The following RANBP2 variants were observed in gnomAD, a reference collection of about 807,000 sequenced individuals.
RANBP2 encodes RAN binding protein 2.
A neutral mutation model predicts 303.6 loss-of-function variants in RANBP2; 57 were observed. That is an observed-to-expected ratio of 0.19 (90% confidence interval 0.15 to 0.23). The LOEUF (loss-of-function observed/expected upper bound fraction) is 0.23. Ranked by LOEUF, RANBP2 falls within the 10% of genes least tolerant of loss-of-function variation. The pLI, the probability that RANBP2 is intolerant of heterozygous loss-of-function variation, is 1.00. For missense variants in RANBP2, 3,138 were observed against 3,780.8 expected, an observed-to-expected ratio of 0.83 and a Z score of 4.46; for synonymous variants, 1,167 against 1,301.5, an observed-to-expected ratio of 0.90 and a Z score of 2.23.
the RANBP2 span, among the ~76,000 whole-genome samples, chr2:109,229,802 A>AT: frequency 8.8e-5 from 13 of 147,788 alleles, no homozygotes; most frequent in African/African-American, 2.5e-4. Context: ...ATGTGTTTAG[A>AT]TTTTTTTTCT....
chr2:109,243,998 G>A, the RANBP2 span, among the ~76,000 whole-genome samples: 1 of 152,202 alleles, frequency 6.6e-6, no homozygotes, highest in Non-Finnish European at 1.5e-5. Flanking sequence ...GTGCTCATAG[G>A]TGAAGTTTTT....
At chr2:108,958,733 A>AGG in the RANBP2 span, among the ~76,000 whole-genome samples, 1 of 152,258 alleles carries the variant, frequency 6.6e-6, no homozygotes, top group Non-Finnish European at 1.5e-5. Context: ...CTGGCCCAGG[A>AGG]GACCTAAAGC....
chr2:109,473,963 T>A, the RANBP2 span, among the ~76,000 whole-genome samples: 3 of 152,212 alleles, frequency 2.0e-5, no homozygotes, highest in African/African-American at 7.2e-5. Context: ...AAAGTCTTTA[T>A]AGACTCTGTC....
chr2:109,478,707 G>C, the RANBP2 span, among the ~76,000 whole-genome samples: 1 of 152,146 alleles, frequency 6.6e-6, no homozygotes, highest in Non-Finnish European at 1.5e-5. Context: ...GAGAGGGGGA[G>C]AGTCTGAGCT....
chr2:109,613,309 C>T, the RANBP2 span: 1 of 528,482 alleles, frequency 1.9e-6, no homozygotes, highest in African/African-American at 2.0e-5. Flanking sequence ...GGTTTAAAAT[C>T]CCAATGGAGG....
chr2:108,762,067 C>G, intron 18 of RANBP2, 34 bp from the exon 19 acceptor site: 1 of 1,596,248 alleles, frequency 6.3e-7, no homozygotes, highest in Non-Finnish European at 8.5e-7. Flanking sequence ...TAGACTTTAA[C>G]AGTGTTTTCT....
chr2:109,033,681 G>A, the RANBP2 span, among the ~76,000 whole-genome samples: 2 of 151,916 alleles, frequency 1.3e-5, no homozygotes, highest in African/African-American at 2.4e-5. Flanking sequence ...TTTGAGAGGC[G>A]GTGGCTCATG....
chr2:109,767,099 A>G, the RANBP2 span, among the ~76,000 whole-genome samples: 1 of 143,590 alleles, frequency 7.0e-6, no homozygotes. Context: ...AGACTGGCCT[A>G]CCTCATAAGG....
chr2:109,112,727 G>A, the RANBP2 span, among the ~76,000 whole-genome samples: 2 of 152,138 alleles, frequency 1.3e-5, no homozygotes, highest in African/African-American at 4.8e-5. Context: ...GTCCTGAGTG[G>A]TAATGCTTAG....
chr2:109,192,089 A>G, the RANBP2 span, among the ~76,000 whole-genome samples: 1 of 152,206 alleles, frequency 6.6e-6, no homozygotes, highest in African/African-American at 2.4e-5. Flanking sequence ...ACCGAGCGAC[A>G]GAAGTCAACT....
At chr2:108,918,180 C>G in the RANBP2 span, among the ~76,000 whole-genome samples, 1 of 152,210 alleles carries the variant, frequency 6.6e-6, no homozygotes, top group Non-Finnish European at 1.5e-5. Flanking sequence ...ACAGACAAAC[C>G]AGGGTGGGGC....
chr2:108,789,618 A>G (rs150319850), downstream of RANBP2, among the ~76,000 whole-genome samples: 150 of 152,272 alleles, frequency 9.9e-4, no homozygotes, highest in African/African-American at 3.4e-3. Flanking sequence ...ACTACAAAAA[A>G]AACTGCCATA....
At chr2:109,057,988 G>A in the RANBP2 span, among the ~76,000 whole-genome samples, 2 of 152,186 alleles carry the variant, frequency 1.3e-5, no homozygotes, top group African/African-American at 4.8e-5. Flanking sequence ...CTTTGTGGCT[G>A]CGGAGGGGCA....
the RANBP2 span, among the ~76,000 whole-genome samples, chr2:109,654,901 C>T: frequency 1.3e-5 from 2 of 150,718 alleles, no homozygotes; most frequent in South Asian, 2.1e-4. Flanking sequence ...TATTTCTTTT[C>T]TTTTCTTTTT....
the RANBP2 span, among the ~76,000 whole-genome samples, chr2:109,048,704 C>T: frequency 2.6e-5 from 4 of 152,308 alleles, no homozygotes; most frequent in South Asian, 8.3e-4. Context: ...ATTCCACAGA[C>T]ATCCCTATGG....
the RANBP2 span, among the ~76,000 whole-genome samples, chr2:109,663,761 T>C: frequency 1.3e-5 from 2 of 152,198 alleles, no homozygotes; most frequent in Admixed American, 6.5e-5. Context: ...GGAAGGTTGA[T>C]AGAACACCTA....
At chr2:108,786,448 G>A (rs552117204), downstream of RANBP2, among the ~76,000 whole-genome samples, 10 of 152,156 alleles carry the variant, frequency 6.6e-5, no homozygotes, top group East Asian at 1.9e-3. Context: ...CACTTCTGAT[G>A]GAACGACCGG....
the RANBP2 span, among the ~76,000 whole-genome samples, chr2:109,231,045 C>G: frequency 6.6e-6 from 1 of 152,236 alleles, no homozygotes; most frequent in Admixed American, 6.5e-5. Context: ...TCAGCACGGA[C>G]AGAGCAGCAG....
intron 24 of RANBP2, among the ~76,000 whole-genome samples, chr2:108,776,851 A>G (rs1677925857): frequency 6.6e-6 from 1 of 152,308 alleles, no homozygotes; most frequent in East Asian, 1.9e-4. Context: ...CTGTAGTTTA[A>G]TATCTGGCTT....
Sources: allele counts gnomAD v4.1 joint callset (sites outside exome capture counted in the v4.1 genomes callset), GRCh38; gene constraint gnomAD v4.1.1; transcripts MANE v1.5; gene names NCBI Gene and HGNC (gene_info 2026-07-23, HGNC 2026-07-21).